Variants in LRRC3B observed in about 807,000 individuals in gnomAD.
The protein encoded by LRRC3B is leucine rich repeat containing 3B, also known as leucine-rich repeat-containing protein 3B.
LRRC3B carries 2 observed loss-of-function variants against 12.8 expected under a neutral mutation model. The ratio of observed to expected loss-of-function variants is 0.16; its 90% CI spans 0.06 to 0.49. The LOEUF (loss-of-function observed/expected upper bound fraction) is 0.49. LRRC3B is among the 20% of genes least tolerant of loss of function. LRRC3B has a pLI of 0.96. For missense variants in LRRC3B, 189 were observed against 319.4 expected (o/e 0.59, Z 3.11); for synonymous variants, 132 against 122.0 (o/e 1.08, Z -0.54).
At chr3:26,699,137 T>G (rs372093613) in intron 1 of LRRC3B, among the ~76,000 whole-genome samples, 4 of 152,300 alleles carry the variant, frequency 2.6e-5, no homozygotes, top group South Asian at 4.1e-4. Flanking sequence ...GTCTGATGCT[T>G]TCCTCTTGAT....
At chr3:26,702,935 T>G (rs557282696) in intron 1 of LRRC3B, among the ~76,000 whole-genome samples, 1 of 152,144 alleles carries the variant, frequency 6.6e-6, no homozygotes, top group Admixed American at 6.5e-5. Context: ...ATTTTACTTT[T>G]GGGTATGCAA....
chr3:26,634,576 G>A (rs575815698), intron 1 of LRRC3B, among the ~76,000 whole-genome samples: 110 of 152,284 alleles, frequency 7.2e-4, no homozygotes, highest in South Asian at 1.9e-3. Flanking sequence ...AATTCACCTC[G>A]ACATGGTGTG....
At chr3:26,658,268 C>T (rs1171608712) in intron 1 of LRRC3B, among the ~76,000 whole-genome samples, 1 of 152,094 alleles carries the variant, frequency 6.6e-6, no homozygotes, top group Non-Finnish European at 1.5e-5. Flanking sequence ...CCATGTTAGC[C>T]AGAATGGTCT....
chr3:26,658,696 A>G (rs1699429022), intron 1 of LRRC3B, among the ~76,000 whole-genome samples: 1 of 152,250 alleles, frequency 6.6e-6, no homozygotes. Flanking sequence ...AAAAATTGCA[A>G]TCAGGGGAAA....
chr3:26,677,130 A>G (rs1699876629), intron 1 of LRRC3B, among the ~76,000 whole-genome samples: 1 of 152,324 alleles, frequency 6.6e-6, no homozygotes, highest in African/African-American at 2.4e-5. Flanking sequence ...CAAAAACCAT[A>G]CCATCCTTCT....
chr3:26,633,512 G>A (rs1370808361), intron 1 of LRRC3B, among the ~76,000 whole-genome samples: 1 of 152,102 alleles, frequency 6.6e-6, no homozygotes, highest in Non-Finnish European at 1.5e-5. Context: ...TATGAAAACA[G>A]GTTTGTAAAA....
intron 1 of LRRC3B, among the ~76,000 whole-genome samples, chr3:26,640,107 G>T (rs761420529): frequency 1.3e-5 from 2 of 152,152 alleles, no homozygotes; most frequent in Non-Finnish European, 2.9e-5. Flanking sequence ...TTTGGTGTGG[G>T]ATCTAGGAAA....
At chr3:26,648,774 T>A (rs1484954372) in intron 1 of LRRC3B, among the ~76,000 whole-genome samples, 1 of 152,236 alleles carries the variant, frequency 6.6e-6, no homozygotes, top group East Asian at 1.9e-4. Flanking sequence ...CATTTTAATG[T>A]TTAATTTGAG....
intron 1 of LRRC3B, among the ~76,000 whole-genome samples, chr3:26,629,185 C>T (rs902110611): frequency 6.7e-6 from 1 of 150,256 alleles, no homozygotes; most frequent in Non-Finnish European, 1.5e-5. Flanking sequence ...TCTACCCCTC[C>T]CCCTCCCTCC....
intron 1 of LRRC3B, among the ~76,000 whole-genome samples, chr3:26,664,066 T>G (rs757799071): frequency 9.2e-5 from 14 of 152,160 alleles, no homozygotes; most frequent in Non-Finnish European, 1.6e-4. Context: ...GAAGTCTTCC[T>G]ATGCTTTGGA....
At chr3:26,704,022 A>T (rs1371145372) in intron 1 of LRRC3B, among the ~76,000 whole-genome samples, 1 of 152,134 alleles carries the variant, frequency 6.6e-6, no homozygotes, top group Non-Finnish European at 1.5e-5. Context: ...TATAAAATAA[A>T]AAGGCAATTC....
chr3:26,652,982 T>A (rs1699295869), intron 1 of LRRC3B, among the ~76,000 whole-genome samples: 2 of 152,090 alleles, frequency 1.3e-5, no homozygotes, highest in Non-Finnish European at 2.9e-5. Context: ...AACTGTCATT[T>A]CCACCAGTTC....
chr3:26,684,219 G>C (rs112441521), intron 1 of LRRC3B, among the ~76,000 whole-genome samples: 89 of 152,316 alleles, frequency 5.8e-4, no homozygotes, highest in African/African-American at 1.9e-3. Flanking sequence ...AGTATCCAAG[G>C]AACCAGGGGT....
At chr3:26,638,172 G>T (rs1698942593) in intron 1 of LRRC3B, among the ~76,000 whole-genome samples, 1 of 152,102 alleles carries the variant, frequency 6.6e-6, no homozygotes, top group African/African-American at 2.4e-5. Context: ...ACTGCCAAGT[G>T]AAAATTGACC....
chr3:26,635,419 T>A (rs992206098), intron 1 of LRRC3B, among the ~76,000 whole-genome samples: 3 of 152,296 alleles, frequency 2.0e-5, no homozygotes, highest in African/African-American at 7.2e-5. Flanking sequence ...TAGATCTAGA[T>A]GAAGTCATGA....
intron 1 of LRRC3B, among the ~76,000 whole-genome samples, chr3:26,703,038 G>GA (rs1700496400): frequency 6.6e-6 from 1 of 152,084 alleles, no homozygotes; most frequent in Non-Finnish European, 1.5e-5. Flanking sequence ...CTAAAGATGT[G>GA]AATGAAGAAG....
chr3:26,707,983 C>T (rs1165968293), intron 1 of LRRC3B, among the ~76,000 whole-genome samples: 1 of 152,214 alleles, frequency 6.6e-6, no homozygotes, highest in Non-Finnish European at 1.5e-5. Context: ...CTGCTCCATT[C>T]TGCTGTTGCT....
chr3:26,668,126 A>T (rs1446863291), intron 1 of LRRC3B, among the ~76,000 whole-genome samples: 1 of 152,094 alleles, frequency 6.6e-6, no homozygotes, highest in Non-Finnish European at 1.5e-5. Flanking sequence ...TCTCTTTGTA[A>T]TCTACACGGG....
intron 1 of LRRC3B, among the ~76,000 whole-genome samples, chr3:26,676,162 C>A (rs184454551): frequency 0.011 from 1,665 of 151,744 alleles, 25 homozygotes; most frequent in African/African-American, 0.037. Flanking sequence ...ATACATGTGC[C>A]ATGTTGGTGT....
Sources: allele counts gnomAD v4.1 joint callset (sites outside exome capture counted in the v4.1 genomes callset), GRCh38; gene constraint gnomAD v4.1.1; transcripts MANE v1.5; gene names NCBI Gene and HGNC (gene_info 2026-07-23, HGNC 2026-07-21).